GRIK4: variants seen among roughly 807,000 people sequenced by gnomAD.
GRIK4 encodes the protein glutamate ionotropic receptor kainate type subunit 4.
A neutral mutation model predicts 104.9 loss-of-function variants in GRIK4; 40 were observed. The ratio of observed to expected loss-of-function variants is 0.38; its 90% CI spans 0.30 to 0.50. The LOEUF is 0.50. Ranked by LOEUF, GRIK4 falls within the 20% of genes least tolerant of loss-of-function variation. The probability of loss-of-function intolerance (pLI) is 0.93; values close to 1 mark genes in which losing one functional copy is unlikely to be tolerated. For missense variants in GRIK4, 1,047 were observed against 1,308.1 expected, an observed-to-expected ratio of 0.80 and a Z score of 3.08; for synonymous variants, 485 against 524.9, an observed-to-expected ratio of 0.92 and a Z score of 1.04.
chr11:120,978,420 G>A (rs879513567), intron 19 of GRIK4, among the ~76,000 whole-genome samples: 2 of 152,116 alleles, frequency 1.3e-5, no homozygotes, highest in Admixed American at 1.3e-4. Flanking sequence ...AGTAGGGGTA[G>A]GTTCCAGGCA....
intron 1 of GRIK4, among the ~76,000 whole-genome samples, chr11:120,621,539 G>T (rs1001255025): frequency 6.6e-6 from 1 of 152,284 alleles, no homozygotes; most frequent in African/African-American, 2.4e-5. Flanking sequence ...GGGAGGGTCT[G>T]GGCCATCAGG....
intron 6 of GRIK4, among the ~76,000 whole-genome samples, chr11:120,830,189 A>G (rs866898075): frequency 0.013 from 1,776 of 141,202 alleles, 10 homozygotes; most frequent in Non-Finnish European, 0.018. Flanking sequence ...CCTATGAAGA[A>G]AAAAAAAAAA....
chr11:120,985,984 C>G lies in GRIK4; in HGVS notation c.2595C>G (p.Arg865=). The G allele has an allele frequency of 1.3e-6, 2 of 1,532,360 alleles. No individual in the cohort carries two copies. Among genetic ancestry groups the G allele is most frequent in the Admixed American group, 2.1e-5 (1 of 48,486 alleles). The allele number at this position is 1,532,360 out of a possible 1,614,324, so 94.9% of individuals were successfully genotyped here. A position where few individuals can be genotyped will look rare whatever the true frequency, so the allele number is the denominator to read the frequency against. Residue 865 remains arginine (R), a synonymous_variant, in exon 21 of 21, where the codon CGC becomes CGG. Transcript: ENST00000527524. ...ACAGTATCCACCCCCGCCGGCGGCG[C>G]GCCGCAGTCCCGCCGCCCCGGCCCC... The part of the protein sequence containing the change: ...CQDSIHPRRR[R]AAVPPPRPPI...
intron 1 of GRIK4, among the ~76,000 whole-genome samples, chr11:120,515,663 C>G (rs1050661866): frequency 1.3e-5 from 2 of 152,202 alleles, no homozygotes; most frequent in African/African-American, 2.4e-5. Context: ...TGACTCCCAG[C>G]AGAGCGAGGC....
At chr11:120,878,228 AG>A (rs747300945) in intron 11 of GRIK4, among the ~76,000 whole-genome samples, 41 of 152,346 alleles carry the variant, frequency 2.7e-4, no homozygotes, top group East Asian at 5.8e-4. Context: ...GACGTGCACC[AG>A]GATGACCGAG....
chr11:120,964,418 T>C (rs1944348584), intron 18 of GRIK4, among the ~76,000 whole-genome samples: 1 of 152,216 alleles, frequency 6.6e-6, no homozygotes, highest in South Asian at 2.1e-4. Context: ...GAGGCTTCAC[T>C]CTGGGTACTC....
chr11:120,985,823 C>A, intron 20 of GRIK4, 81 bp from the exon 21 acceptor site: 1 of 1,296,098 alleles, frequency 7.7e-7, no homozygotes, highest in Non-Finnish European at 1.1e-6. Context: ...CTGCCCCCTT[C>A]ATCCCTCATC....
At chr11:120,673,359 C>A (rs939599081) in intron 3 of GRIK4, among the ~76,000 whole-genome samples, 1 of 152,198 alleles carries the variant, frequency 6.6e-6, no homozygotes. Context: ...TGGGCGGTCT[C>A]ACGGACACAG....
chr11:120,777,996 G>T (rs1002196665), intron 3 of GRIK4, among the ~76,000 whole-genome samples: 1 of 152,010 alleles, frequency 6.6e-6, no homozygotes, highest in African/African-American at 2.4e-5. Flanking sequence ...AGGATGAGGT[G>T]GGGGTGCTGT....
chr11:120,518,948 C>T (rs999041039), intron 1 of GRIK4, among the ~76,000 whole-genome samples: 1 of 152,134 alleles, frequency 6.6e-6, no homozygotes, highest in Non-Finnish European at 1.5e-5. Context: ...GTCTTGTGGC[C>T]CTGCCTGCAG....
rs1565379812 is a variant in GRIK4 at position 120,831,907 on chromosome 11, G to A, written c.567G>A (p.Leu189=). 6.2e-7 allele frequency: 1 copy of A among 1,613,964 alleles called. No individual in the cohort carries two copies. Among genetic ancestry groups the A allele is most frequent in the East Asian group, 2.2e-5 (1 of 44,856 alleles). ...LRQFLISKDT[L]SVRMLDDTRD... is the part of the protein sequence containing the mutation. ...AATTCCTTATCTCCAAGGACACGCT[G>A]TCCGTCCGCATGCTGGATGACACCC... Residue 189 remains leucine (L), a synonymous_variant, in exon 7 of 21, where the codon CTG becomes CTA. Transcript: ENST00000527524.
At chr11:120,869,703 T>G (rs1056055661) in intron 9 of GRIK4, 1 of 152,370 alleles carries the variant, frequency 6.6e-6, no homozygotes, top group Non-Finnish European at 1.5e-5. Context: ...TCTGCCGTGA[T>G]GACGGTCTCT....
At chr11:120,891,936 C>T (rs1444749385) in intron 11 of GRIK4, among the ~76,000 whole-genome samples, 1 of 152,164 alleles carries the variant, frequency 6.6e-6, no homozygotes, top group Non-Finnish European at 1.5e-5. Flanking sequence ...GGTCACATGG[C>T]TCTGAGCAAA....
Position 120,761,810 on chromosome 11 carries a change from A to G in GRIK4, c.83-40883A>G, listed in dbSNP as rs577079853. Among the ~76,000 whole-genome samples the G allele has an allele frequency of 3.3e-5, 5 of 151,576 alleles. No individual in the cohort carries two copies. The East Asian group carries it at 9.6e-4, about 29-fold the overall frequency. On this transcript the variant is annotated intron_variant, in intron 3 of 20. Coordinates refer to ENST00000527524, the MANE Select transcript of GRIK4 (RefSeq NM_014619.5). Reference sequence around the variant, plus strand: ...TCTGTTCTGTTCCATTCGTCTATATATCTGTTTTAGTACCAGTACCATGCT... The same window carrying G: ...TCTGTTCTGTTCCATTCGTCTATATGTCTGTTTTAGTACCAGTACCATGCT...
At chr11:120,672,712 G>A (rs944773940) in intron 3 of GRIK4, among the ~76,000 whole-genome samples, 37 of 148,608 alleles carry the variant, frequency 2.5e-4, no homozygotes, top group Admixed American at 6.6e-5. Flanking sequence ...GAGTTTGCTC[G>A]TGATTTGGCT....
intron 4 of GRIK4, among the ~76,000 whole-genome samples, chr11:120,809,249 C>T (rs1405587753): frequency 6.6e-6 from 1 of 152,182 alleles, no homozygotes; most frequent in Admixed American, 6.5e-5. Context: ...ATGAAGAAGT[C>T]CCTCCATGGG....
chr11:120,961,858 A>G (rs1457065190), intron 17 of GRIK4, among the ~76,000 whole-genome samples: 1 of 152,268 alleles, frequency 6.6e-6, no homozygotes, highest in Non-Finnish European at 1.5e-5. Context: ...TTTCCAGGCA[A>G]GTCTCCGTGC....
intron 3 of GRIK4, among the ~76,000 whole-genome samples, chr11:120,685,556 G>A (rs1950262240): frequency 6.6e-6 from 1 of 152,154 alleles, no homozygotes; most frequent in Non-Finnish European, 1.5e-5. Flanking sequence ...GCTTTAGGCT[G>A]TTCTGTTGCT....
chr11:120,795,864 T>A (rs1215658173), intron 3 of GRIK4, among the ~76,000 whole-genome samples: 4 of 152,142 alleles, frequency 2.6e-5, no homozygotes, highest in Non-Finnish European at 4.4e-5. Flanking sequence ...TTGTGTAAAA[T>A]GCGTAGTATT....
Sources: gnomAD v4.1 joint callset for allele counts (sites outside exome capture counted in the v4.1 genomes callset) on GRCh38, gnomAD v4.1.1 for gene constraint, MANE v1.5 for transcripts, NCBI Gene and HGNC (gene_info 2026-07-23, HGNC 2026-07-21) for gene names.